The following ZMYM6 variants were observed in gnomAD, a reference collection of about 807,000 sequenced individuals.
ZMYM6 encodes the protein zinc finger MYM-type protein 6.
In ZMYM6, 90 loss-of-function variants were observed where a neutral mutation model predicts 134.0. The observed-to-expected ratio is 0.67, with a 90% CI of 0.57 to 0.80. The LOEUF (loss-of-function observed/expected upper bound fraction) is 0.80, where lower values mean the gene tolerates loss of function less well. Ranked by LOEUF, ZMYM6 falls within the 30% of genes least tolerant of loss-of-function variation. The pLI is 0.00. For synonymous variants in ZMYM6, 481 were observed against 524.1 expected (o/e 0.92, Z 1.12); for missense variants, 1,362 against 1,533.9 (o/e 0.89, Z 1.87).
intron 2 of ZMYM6, among the ~76,000 whole-genome samples, chr1:35,021,059 T>TGAGCACTACCTA (rs1641300169): frequency 6.6e-6 from 1 of 151,906 alleles, no homozygotes; most frequent in Non-Finnish European, 1.5e-5. Context: ...TTCCAAATGC[T>TGAGCACTACCTA]GAGCACTACC....
chr1:35,006,929 C>A (rs978274225), intron 12 of ZMYM6, 22 bp downstream of exon 12: 1 of 1,598,330 alleles, frequency 6.3e-7, no homozygotes, highest in African/African-American at 1.3e-5. Context: ...ATAAAAATCC[C>A]ATTAGCTAAG....
intron 6 of ZMYM6, 78 bp downstream of exon 6, chr1:35,014,619 C>T: frequency 1.4e-6 from 2 of 1,399,716 alleles, no homozygotes; most frequent in Non-Finnish European, 9.8e-7. Context: ...GGAGCTCACT[C>T]TCATTTTGTA....
intron 4 of ZMYM6, chr1:35,018,576 C>A (rs948346411): frequency 1.3e-5 from 2 of 151,750 alleles, no homozygotes; most frequent in African/African-American, 2.4e-5. Flanking sequence ...TTTTTAAGTA[C>A]TTGCTATGTG....
At chr1:35,011,462 T>C (rs1159551821) in intron 8 of ZMYM6, among the ~76,000 whole-genome samples, 1 of 152,184 alleles carries the variant, frequency 6.6e-6, no homozygotes, top group African/African-American at 2.4e-5. Context: ...TGTGTATGTA[T>C]TGCAGAGAGG....
chr1:35,016,963 C>T (rs576196227), intron 4 of ZMYM6, among the ~76,000 whole-genome samples: 25 of 151,980 alleles, frequency 1.6e-4, no homozygotes, highest in Non-Finnish European at 3.1e-4. Context: ...TGGGATCACG[C>T]CACTGCACTC....
chr1:35,001,232 C>A (rs1640874638), intron 14 of ZMYM6, among the ~76,000 whole-genome samples: 1 of 149,200 alleles, frequency 6.7e-6, no homozygotes, highest in South Asian at 2.1e-4. Context: ...CAACAAAGTT[C>A]TCAGAGAAAC....
intron 15 of ZMYM6, chr1:34,991,973 T>TA: frequency 1.3e-5 from 6 of 452,804 alleles, no homozygotes; most frequent in Non-Finnish European, 2.4e-5. Context: ...TTCGCAGTAT[T>TA]TAAAAAAAAA....
chr1:35,013,497 A>T (rs1641126131), intron 6 of ZMYM6: 1 of 985,256 alleles, frequency 1.0e-6, no homozygotes, highest in Non-Finnish European at 1.2e-6. Flanking sequence ...GATCATATAT[A>T]AAATAACATG....
intron 6 of ZMYM6, chr1:35,012,941 G>A (rs550946863): frequency 1.0e-6 from 1 of 985,016 alleles, no homozygotes; most frequent in African/African-American, 1.7e-5. Context: ...CATCAATCTA[G>A]AAGAGTCTAC....
intron 1 of ZMYM6, 161 bp downstream of exon 1, chr1:35,031,654 G>A (rs887992780): frequency 6.6e-6 from 1 of 152,098 alleles, no homozygotes; most frequent in Non-Finnish European, 1.5e-5. Flanking sequence ...CTCCGACTGA[G>A]AGCGGTGGAC....
Position 34,988,610 on chromosome 1 carries a change from A to C in ZMYM6, c.2472T>G (p.Val824=). 6.5e-7 allele frequency: 1 copy of C among 1,549,882 alleles called. No homozygotes were observed. Among genetic ancestry groups the C allele is most frequent in the East Asian group, 2.4e-5 (1 of 40,894 alleles). ...QNSSLKKCLL[V]EKSLVKASYL... Reference sequence around the variant, plus strand: ...AAGAAGCTTTCACAAGTGACTTTTCAACTAGTAAACACTTTTTTAAAGAAC... The same window carrying C: ...AAGAAGCTTTCACAAGTGACTTTTCCACTAGTAAACACTTTTTTAAAGAAC... Residue 824 remains valine, a synonymous_variant, in exon 16 of 16, where the codon GTT becomes GTG. Coordinates refer to ENST00000357182, the MANE Select transcript of ZMYM6 (RefSeq NM_007167.4).
intron 2 of ZMYM6, among the ~76,000 whole-genome samples, chr1:35,029,287 C>T (rs1351902292): frequency 6.6e-6 from 1 of 152,184 alleles, no homozygotes; most frequent in Non-Finnish European, 1.5e-5. Flanking sequence ...ACTATATATA[C>T]AGCCTTATCA....
In ZMYM6 at chr1:35,010,560, TC is replaced by T; in HGVS notation, c.1378del (p.Asp460MetfsTer22). On this transcript the variant is annotated frameshift_variant, in exon 10 of 16. Coordinates refer to ENST00000357182, the MANE Select transcript of ZMYM6 (RefSeq NM_007167.4). LOFTEE classifies it high-confidence loss of function. ...AACTTTATTTTTCTTCTTGTATTCA[TC>T]AGAGCAATTCTTGCCACAAAACAGA... ...MFLFCGKNCS[D>X]EYKKKNKVVA... 6.2e-7 allele frequency: 1 copy of T among 1,613,480 alleles called. No individual in the cohort carries two copies. Among genetic ancestry groups the T allele is most frequent in the Non-Finnish European group, 8.5e-7 (1 of 1,179,878 alleles).
intron 14 of ZMYM6, among the ~76,000 whole-genome samples, chr1:34,994,026 G>T (rs1640732583): frequency 6.6e-6 from 1 of 151,642 alleles, no homozygotes; most frequent in Admixed American, 6.6e-5. Context: ...AAAAACTTCT[G>T]TAAACAAAGG....
chr1:35,025,557 G>C (rs1407307977), intron 2 of ZMYM6, among the ~76,000 whole-genome samples: 1 of 149,576 alleles, frequency 6.7e-6, no homozygotes, highest in African/African-American at 2.4e-5. Context: ...AGGTTTAAAT[G>C]AGAATGCATA....
chr1:35,026,153 T>C (rs1016270821), intron 2 of ZMYM6, among the ~76,000 whole-genome samples: 1 of 152,064 alleles, frequency 6.6e-6, no homozygotes, highest in African/African-American at 2.4e-5. Context: ...CCTGAGTAGC[T>C]GGGATGACAG....
rs770747140 is a variant in ZMYM6 at position 35,010,473 on chromosome 1, CCT to C, written c.1464_1465del (p.Val490Ter). 2.4e-5 allele frequency: 38 copies of C among 1,613,246 alleles called. No homozygotes were observed. Among genetic ancestry groups the C allele is most frequent in the African/African-American group, 2.7e-5 (2 of 74,830 alleles). Reference sequence around the variant, plus strand: ...TTCACTACAGAATGGCTTATCAACCCCTGAGAATCGCACAGTCTCCTTTATAA... The same window carrying C: ...TTCACTACAGAATGGCTTATCAACCCGAGAATCGCACAGTCTCCTTTATAA... On this transcript the variant is annotated frameshift_variant, in exon 10 of 16. Coordinates refer to ENST00000357182, the MANE Select transcript of ZMYM6 (RefSeq NM_007167.4). LOFTEE classifies it high-confidence loss of function.
At chr1:35,003,786 C>G in intron 14 of ZMYM6, 182 bp downstream of exon 14, 1 of 556,750 alleles carries the variant, frequency 1.8e-6, no homozygotes, top group Non-Finnish European at 3.2e-6. Flanking sequence ...GTAATTGCTG[C>G]CGAAATATGG....
intron 2 of ZMYM6, among the ~76,000 whole-genome samples, chr1:35,022,443 T>C (rs1641328451): frequency 6.6e-6 from 1 of 152,106 alleles, no homozygotes; most frequent in African/African-American, 2.4e-5. Context: ...TTTGTATTTT[T>C]AGTAGAGACA....
Sources: gnomAD v4.1 joint callset for allele counts (sites outside exome capture counted in the v4.1 genomes callset) on GRCh38, gnomAD v4.1.1 for gene constraint, MANE v1.5 for transcripts, NCBI Gene and HGNC (gene_info 2026-07-23, HGNC 2026-07-21) for gene names.